EZH2: variants seen among roughly 807,000 people sequenced by gnomAD.
The protein encoded by EZH2 is histone-lysine N-methyltransferase EZH2.
A neutral mutation model predicts 98.4 loss-of-function variants in EZH2; 18 were observed. The ratio of observed to expected loss-of-function variants is 0.18; its 90% CI spans 0.13 to 0.27. EZH2 has a LOEUF of 0.27. Ranked by LOEUF, EZH2 falls within the 10% of genes least tolerant of loss-of-function variation. EZH2 has a pLI of 1.00. For synonymous variants in EZH2, 338 were observed against 312.3 expected, an observed-to-expected ratio of 1.08 and a Z score of -0.87; for missense variants, 470 against 935.1, an observed-to-expected ratio of 0.50 and a Z score of 6.49.
At chr7:148,847,392 T>C (rs1814423341) in intron 1 of EZH2, 87 bp from the exon 2 acceptor site, 1 of 1,519,208 alleles carries the variant, frequency 6.6e-7, no homozygotes, top group East Asian at 2.3e-5. Flanking sequence ...AAACTAACAA[T>C]CAGTGAAGAA....
chr7:148,839,769 A>G (rs1208144475), intron 3 of EZH2, among the ~76,000 whole-genome samples: 6 of 152,068 alleles, frequency 3.9e-5, no homozygotes, highest in African/African-American at 1.4e-4. Context: ...GTGGTCTAGA[A>G]TTCCTGATCT....
chr7:148,812,972 G>A (rs1803511682), intron 15 of EZH2, among the ~76,000 whole-genome samples: 1 of 152,056 alleles, frequency 6.6e-6, no homozygotes, highest in South Asian at 2.1e-4. Flanking sequence ...CTGGTAGAAG[G>A]GGACTTGCTG....
chr7:148,838,555 T>C (rs1811507197), intron 3 of EZH2, among the ~76,000 whole-genome samples: 2 of 152,244 alleles, frequency 1.3e-5, no homozygotes, highest in East Asian at 1.9e-4. Flanking sequence ...ATCCACCACA[T>C]GTAAATTCAA....
chr7:148,842,218 T>A (rs1812638146), intron 3 of EZH2, among the ~76,000 whole-genome samples: 1 of 152,220 alleles, frequency 6.6e-6, no homozygotes, highest in Admixed American at 6.5e-5. Context: ...AGACAGGCAC[T>A]ATCTAAGCAA....
intron 19 of EZH2, among the ~76,000 whole-genome samples, chr7:148,808,426 T>A (rs953834386): frequency 6.6e-6 from 1 of 152,048 alleles, no homozygotes; most frequent in African/African-American, 2.4e-5. Flanking sequence ...GCTACAGGAG[T>A]TCATTAACTA....
chr7:148,839,101 G>GAAGGAAGGAAGGAAGGAAGA lies in EZH2; in HGVS notation c.247-6352_247-6351insTCTTCCTTCCTTCCTTCCTT, dbSNP rs1202502279. 2.0e-5 allele frequency among the ~76,000 whole-genome samples: 3 copies of GAAGGAAGGAAGGAAGGAAGA among 151,696 alleles called. No homozygotes were observed. The South Asian group carries it at 6.3e-4, about 32-fold the overall frequency. On this transcript the variant is annotated intron_variant, in intron 3 of 19. Coordinates refer to ENST00000320356, the MANE Select transcript of EZH2 (RefSeq NM_004456.5). ...GGAAGGAAGGAAGGAAGGAAGGAAGGAAGGAAAGTGAGTGAGCAAGATGGC... is the reference window on the plus strand; with the variant it reads ...GGAAGGAAGGAAGGAAGGAAGGAAGGAAGGAAGGAAGGAAGGAAGAAAGGAAAGTGAGTGAGCAAGATGGC...
intron 3 of EZH2, among the ~76,000 whole-genome samples, chr7:148,843,323 A>G (rs1019727266): frequency 6.6e-6 from 1 of 151,910 alleles, no homozygotes; most frequent in African/African-American, 2.4e-5. Flanking sequence ...GGCTGCTGTG[A>G]TTGTACCACT....
chr7:148,843,473 A>G (rs1305743683), intron 3 of EZH2, among the ~76,000 whole-genome samples: 1 of 151,858 alleles, frequency 6.6e-6, no homozygotes, highest in Non-Finnish European at 1.5e-5. Context: ...CATCTAAAGC[A>G]CTCACTTCAG....
chr7:148,882,009 C>T (rs1243889944), intron 1 of EZH2, among the ~76,000 whole-genome samples: 1 of 148,986 alleles, frequency 6.7e-6, no homozygotes, highest in Non-Finnish European at 1.5e-5. Context: ...CATATGTATC[C>T]TAAAATATCC....
At chr7:148,826,792 T>C (rs1585005308) in intron 7 of EZH2, among the ~76,000 whole-genome samples, 160 bp from the exon 8 acceptor site, 1 of 152,222 alleles carries the variant, frequency 6.6e-6, no homozygotes, top group Non-Finnish European at 1.5e-5. Flanking sequence ...ATATTGTGCA[T>C]GGTGTTATCA....
intron 1 of EZH2, among the ~76,000 whole-genome samples, chr7:148,848,842 T>C (rs1814898562): frequency 6.6e-6 from 1 of 152,086 alleles, no homozygotes; most frequent in Non-Finnish European, 1.5e-5. Flanking sequence ...ACCCCTCGGA[T>C]ACCAAAATCC....
At chr7:148,861,340 T>C (rs957748662) in intron 1 of EZH2, among the ~76,000 whole-genome samples, 3 of 151,604 alleles carry the variant, frequency 2.0e-5, no homozygotes, top group African/African-American at 7.3e-5. Context: ...GATTCTCCTG[T>C]CTCAGCCTCC....
At chr7:148,812,081 T>C (rs1405862680) in intron 15 of EZH2, among the ~76,000 whole-genome samples, 1 of 152,174 alleles carries the variant, frequency 6.6e-6, no homozygotes, top group East Asian at 1.9e-4. Context: ...GAATTTAATA[T>C]AAGGACACCA....
At chr7:148,862,927 T>TG (rs928314024) in intron 1 of EZH2, among the ~76,000 whole-genome samples, 7 of 151,376 alleles carry the variant, frequency 4.6e-5, no homozygotes, top group African/African-American at 9.7e-5. Context: ...TGTTTTGTTT[T>TG]TTTAAAAAAA....
chr7:148,858,103 T>C (rs1044230291), intron 1 of EZH2, among the ~76,000 whole-genome samples: 1 of 151,864 alleles, frequency 6.6e-6, no homozygotes, highest in African/African-American at 2.4e-5. Flanking sequence ...CCATTCTTGC[T>C]AACAAGGTGA....
At chr7:148,826,050 A>T (rs947012414) in intron 8 of EZH2, among the ~76,000 whole-genome samples, 1 of 152,210 alleles carries the variant, frequency 6.6e-6, no homozygotes, top group African/African-American at 2.4e-5. Context: ...AAAATAAAAT[A>T]AAATTACATT....
chr7:148,869,980 G>A lies in EZH2; in HGVS notation c.-8+14184C>T, dbSNP rs143521893. Among the ~76,000 whole-genome samples, 68 of 152,310 alleles carry A rather than the reference G, an allele frequency of 4.5e-4. No individual in the cohort carries two copies. The East Asian group carries it at 9.7e-3, about 22-fold the overall frequency. On this transcript the variant is annotated intron_variant, in intron 1 of 19. Transcript: ENST00000320356. ...TCATGCCTGTAATCCCTGCACTCTG[G>A]GAGGCCAAGGTGAAAGGGTCACTTG... is the stretch of plus-strand genomic sequence containing the variant.
intron 1 of EZH2, among the ~76,000 whole-genome samples, chr7:148,876,790 C>G (rs1364552653): frequency 6.6e-6 from 1 of 152,192 alleles, no homozygotes; most frequent in African/African-American, 2.4e-5. Context: ...CAGGCGGTAT[C>G]TAGTCTCCCT....
chr7:148,830,586 G>A (rs1357609856), intron 4 of EZH2, among the ~76,000 whole-genome samples: 2 of 152,132 alleles, frequency 1.3e-5, no homozygotes, highest in East Asian at 3.8e-4. Flanking sequence ...AAAAGGATAT[G>A]TACTTATATG....
Sources: allele counts gnomAD v4.1 joint callset (sites outside exome capture counted in the v4.1 genomes callset), GRCh38; gene constraint gnomAD v4.1.1; transcripts MANE v1.5; gene names NCBI Gene and HGNC (gene_info 2026-07-23, HGNC 2026-07-21).